TSPAN7: variants seen among roughly 807,000 people sequenced by gnomAD.
TSPAN7 encodes the protein tetraspanin-7.
A neutral mutation model predicts 17.6 loss-of-function variants in TSPAN7; 1 was observed. The ratio of observed to expected loss-of-function variants is 0.06; its 90% confidence interval spans 0.02 to 0.27. The LOEUF is 0.27. TSPAN7 is among the 10% of genes least tolerant of loss of function. TSPAN7 has a pLI of 1.00. For synonymous variants in TSPAN7, 78 were observed against 79.0 expected, an observed-to-expected ratio of 0.99 and a Z score of 0.07; for missense variants, 112 against 201.7, an observed-to-expected ratio of 0.56 and a Z score of 2.69.
chrX:38,631,262 C>T (rs1363021312), intron 1 of TSPAN7, among the ~76,000 whole-genome samples: 1 of 110,087 alleles, frequency 9.1e-6, no homozygotes, highest in East Asian at 2.8e-4. Flanking sequence ...TTTGAATTGC[C>T]ACAGTTCTTT....
chrX:38,681,385 G>T (rs1324564548), intron 6 of TSPAN7, 98 bp downstream of exon 6: 1 of 715,101 alleles, frequency 1.4e-6, no homozygotes, highest in Non-Finnish European at 2.2e-6. Context: ...TTTGGGAAAA[G>T]CTGATAGATG....
At chrX:38,644,937 T>C (rs1175527636) in intron 1 of TSPAN7, among the ~76,000 whole-genome samples, 1 of 111,956 alleles carries the variant, frequency 8.9e-6, no homozygotes, top group Non-Finnish European at 1.9e-5. Context: ...GGCCGGTAAG[T>C]GGTGTGGAAC....
chrX:38,618,169 G>T, intron 1 of TSPAN7, among the ~76,000 whole-genome samples: 1 of 111,499 alleles, frequency 9.0e-6, no homozygotes, highest in Non-Finnish European at 1.9e-5. Flanking sequence ...CAGGAGTACA[G>T]AGACTTCAAT....
intron 1 of TSPAN7, among the ~76,000 whole-genome samples, chrX:38,606,441 A>T (rs1404601428): frequency 8.9e-6 from 1 of 112,026 alleles, no homozygotes; most frequent in Non-Finnish European, 1.9e-5. Flanking sequence ...AATGTAAAAG[A>T]TAATAAAAAC....
chrX:38,571,733 G>A (rs953550302), intron 1 of TSPAN7, among the ~76,000 whole-genome samples: 2 of 107,392 alleles, frequency 1.9e-5, no homozygotes, highest in Non-Finnish European at 3.8e-5. Flanking sequence ...AGAAACCTGG[G>A]TGTGTGAGTT....
intron 1 of TSPAN7, among the ~76,000 whole-genome samples, chrX:38,634,466 C>T (rs2069568306): frequency 4.5e-5 from 5 of 112,167 alleles, no homozygotes; most frequent in Non-Finnish European, 7.5e-5. Context: ...CCATGTTCCT[C>T]GTTTCTGGGA....
intron 1 of TSPAN7, among the ~76,000 whole-genome samples, chrX:38,650,295 C>T (rs962865128): frequency 4.5e-5 from 5 of 112,133 alleles, no homozygotes; most frequent in African/African-American, 1.3e-4. Flanking sequence ...AGATACTTTA[C>T]GTTTGAATAA....
At chrX:38,606,062 G>A (rs1255948854) in intron 1 of TSPAN7, among the ~76,000 whole-genome samples, 1 of 108,891 alleles carries the variant, frequency 9.2e-6, no homozygotes, top group Non-Finnish European at 1.9e-5. Flanking sequence ...TTGACAAAAG[G>A]GATCTAATTA....
intron 1 of TSPAN7, among the ~76,000 whole-genome samples, chrX:38,586,192 G>A (rs187309593): frequency 8.9e-6 from 1 of 111,953 alleles, no homozygotes; most frequent in East Asian, 2.8e-4. Context: ...CCCCTCAGTG[G>A]CTCAGAGACC....
intron 1 of TSPAN7, among the ~76,000 whole-genome samples, chrX:38,582,026 TAA>T (rs1028685864): frequency 5.3e-5 from 6 of 112,743 alleles, no homozygotes; most frequent in Non-Finnish European, 1.1e-4. Context: ...CATGGCCAAG[TAA>T]AAGTTTGTCA....
intron 1 of TSPAN7, among the ~76,000 whole-genome samples, chrX:38,651,368 G>A (rs2069675234): frequency 9.0e-6 from 1 of 111,176 alleles, no homozygotes; most frequent in South Asian, 3.8e-4. Flanking sequence ...GGGAGGCTGA[G>A]GCAGGAGAAT....
chrX:38,663,229 A>G (rs1032862949), intron 1 of TSPAN7, among the ~76,000 whole-genome samples: 1 of 111,149 alleles, frequency 9.0e-6, no homozygotes, highest in Non-Finnish European at 1.9e-5. Flanking sequence ...CATAAAAAGG[A>G]ATGAAGTAAT....
At chrX:38,657,268 G>C (rs1211913300) in intron 1 of TSPAN7, among the ~76,000 whole-genome samples, 1 of 111,866 alleles carries the variant, frequency 8.9e-6, no homozygotes, top group Non-Finnish European at 1.9e-5. Context: ...AGTAGTAAAA[G>C]GCTCTCTTAA....
intron 1 of TSPAN7, among the ~76,000 whole-genome samples, chrX:38,566,128 C>A (rs556589491): frequency 8.9e-6 from 1 of 112,064 alleles, no homozygotes; most frequent in Non-Finnish European, 1.9e-5. Flanking sequence ...GCAGAGCATG[C>A]GCAACACAAT....
rs1225026932 is a variant in TSPAN7 at position 38,688,806 on chromosome X, A to C, written c.*875A>C. The C allele has an allele frequency of 8.9e-6, 1 of 112,783 alleles. No homozygotes were observed. Among genetic ancestry groups the C allele is most frequent in the Non-Finnish European group, 1.9e-5 (1 of 53,351 alleles). The allele number at this position is 112,783 out of a possible 1,213,427, so 9.3% of individuals were successfully genotyped here. Reference sequence around the variant, plus strand: ...GAGTGTGAAGGGGGAACAAGTCAAAATATTTTTAAAAGATCTTCAAAAGTA... The same window carrying C: ...GAGTGTGAAGGGGGAACAAGTCAAACTATTTTTAAAAGATCTTCAAAAGTA... On this transcript the variant is annotated 3_prime_UTR_variant, in exon 8 of 8. Coordinates refer to ENST00000378482, the MANE Select transcript of TSPAN7 (RefSeq NM_004615.4).
At chrX:38,596,723 C>T (rs184606259) in intron 1 of TSPAN7, among the ~76,000 whole-genome samples, 8 of 111,151 alleles carry the variant, frequency 7.2e-5, no homozygotes, top group Admixed American at 5.7e-4. Context: ...AGGGGATTCA[C>T]GGGCACACTA....
At chrX:38,641,466 T>A (rs1013518972) in intron 1 of TSPAN7, among the ~76,000 whole-genome samples, 2 of 111,902 alleles carry the variant, frequency 1.8e-5, no homozygotes, top group African/African-American at 6.5e-5. Context: ...GTAGCTGTCC[T>A]CTGACCATCT....
chrX:38,614,972 A>G (rs768015225), intron 1 of TSPAN7, among the ~76,000 whole-genome samples: 1 of 105,164 alleles, frequency 9.5e-6, no homozygotes, highest in South Asian at 4.7e-4. Flanking sequence ...TGGGAGCTGT[A>G]GAGTCTTTAC....
At chrX:38,628,774 T>C (rs1444833080) in intron 1 of TSPAN7, among the ~76,000 whole-genome samples, 1 of 111,927 alleles carries the variant, frequency 8.9e-6, no homozygotes, top group African/African-American at 3.3e-5. Flanking sequence ...ACCAGGTATT[T>C]GTTTTTGGGG....
Sources: allele counts gnomAD v4.1 joint callset (sites outside exome capture counted in the v4.1 genomes callset), GRCh38; gene constraint gnomAD v4.1.1; transcripts MANE v1.5; gene names NCBI Gene and HGNC (gene_info 2026-07-23, HGNC 2026-07-21).